PRDM16: variants seen among roughly 807,000 people sequenced by gnomAD.
PRDM16 encodes histone-lysine N-methyltransferase PRDM16.
A neutral mutation model predicts 110.6 loss-of-function variants in PRDM16; 23 were observed. That is an observed-to-expected ratio of 0.21 (90% CI 0.15 to 0.29). The LOEUF is 0.29. Among genes scored for constraint, PRDM16 ranks in the 10% least tolerant of loss-of-function variants. The pLI, the probability that PRDM16 is intolerant of heterozygous loss-of-function variation, is 1.00. For synonymous variants in PRDM16, 799 were observed against 781.8 expected, an observed-to-expected ratio of 1.02 and a Z score of -0.37; for missense variants, 1,615 against 1,794.3, an observed-to-expected ratio of 0.90 and a Z score of 1.81.
At chr1:3,179,659 G>A (rs776490880) in intron 1 of PRDM16, among the ~76,000 whole-genome samples, 9 of 152,232 alleles carry the variant, frequency 5.9e-5, no homozygotes, top group Admixed American at 2.6e-4. Context: ...GCATGGCACC[G>A]TGGTGCAGAT....
chr1:3,371,043 T>C (rs1642896437), intron 3 of PRDM16, among the ~76,000 whole-genome samples: 2 of 142,268 alleles, frequency 1.4e-5, no homozygotes, highest in Admixed American at 6.9e-5. Context: ...CATTAATTTA[T>C]TCATCCATCC....
rs1638266840 is a variant in PRDM16, at chr1:3,190,237, G to GTGGGGCAGCCTTACTTCAAGGTCA, written c.387+3786_387+3787insATGGGGCAGCCTTACTTCAAGGTC. Among the ~76,000 whole-genome samples, 1 of 148,066 alleles carries GTGGGGCAGCCTTACTTCAAGGTCA rather than the reference G, an allele frequency of 6.8e-6. No homozygotes were observed. The highest frequency in any genetic ancestry group is 2.5e-5 in the African/African-American group (1 of 39,700). ...CGTGGGGCAGCCTTACTTCAAGGTCGTGGGGCAGCCTTACTTCAAGGTCGT... is the reference window on the plus strand; with the variant it reads ...CGTGGGGCAGCCTTACTTCAAGGTCGTGGGGCAGCCTTACTTCAAGGTCATGGGGCAGCCTTACTTCAAGGTCGT... On this transcript the variant is annotated intron_variant, in intron 2 of 16. Coordinates refer to ENST00000270722, the MANE Select transcript of PRDM16 (RefSeq NM_022114.4). The surrounding 1 kb of genome is among the most constrained non-coding windows in gnomAD (Gnocchi z 5.0).
At position 3,435,179 on chromosome 1, in the gene PRDM16, AAAT is replaced by A. The variant is rs1258425481; in HGVS notation, c.*1375_*1377del. The A allele has an allele frequency of 8.9e-6, 2 of 224,622 alleles. No individual in the cohort carries two copies. Among genetic ancestry groups the A allele is most frequent in the Non-Finnish European group, 1.8e-5 (2 of 112,806 alleles). 13.9% of individuals were successfully genotyped at this position (224,622 alleles called of 1,614,324 possible). A position where few individuals can be genotyped will look rare whatever the true frequency, so the allele number is the denominator to read the frequency against. The stretch of plus-strand genomic sequence containing the variant: ...AATTATTCCCATAGGGGCCAATTTC[AAAT>A]AATAATTTTTTTCCCTGATGGAATT... On this transcript the variant is annotated 3_prime_UTR_variant, in exon 17 of 17. Transcript: ENST00000270722.
intron 1 of PRDM16, among the ~76,000 whole-genome samples, chr1:3,144,649 G>A (rs897922918): frequency 2.6e-5 from 4 of 152,198 alleles, no homozygotes; most frequent in Non-Finnish European, 5.9e-5. Flanking sequence ...CCGCGTTCAG[G>A]AGAGGAAACC....
chr1:3,263,944 C>T (rs1640227650), intron 3 of PRDM16, among the ~76,000 whole-genome samples: 1 of 152,146 alleles, frequency 6.6e-6, no homozygotes, highest in South Asian at 2.1e-4. Flanking sequence ...CACTCGCCCT[C>T]TCTGTGACCC....
chr1:3,257,292 G>C (rs1221030176), intron 3 of PRDM16, among the ~76,000 whole-genome samples: 2 of 152,214 alleles, frequency 1.3e-5, no homozygotes, highest in African/African-American at 4.8e-5. Flanking sequence ...GAACGAGGTA[G>C]GATGAGACTC....
At chr1:3,114,167 ACACACACGCACACACACG>A (rs1443619049) in intron 1 of PRDM16, among the ~76,000 whole-genome samples, 8 of 92,070 alleles carry the variant, frequency 8.7e-5, no homozygotes, top group Admixed American at 1.1e-4. Context: ...ACACACACGC[ACACACACGCACACACACG>A]CACACACGCA....
At chr1:3,141,357 T>C (rs1643546418) in intron 1 of PRDM16, among the ~76,000 whole-genome samples, 1 of 152,196 alleles carries the variant, frequency 6.6e-6, no homozygotes, top group Admixed American at 6.5e-5. Flanking sequence ...GCCTGCAATT[T>C]GCAAACCTAA....
chr1:3,289,826 C>G (rs772064368), intron 3 of PRDM16, among the ~76,000 whole-genome samples: 1 of 152,122 alleles, frequency 6.6e-6, no homozygotes, highest in Non-Finnish European at 1.5e-5. Context: ...GCCGGGGCCC[C>G]GCTCCCACCC....
At position 3,412,785 on chromosome 1, in the gene PRDM16, T is replaced by C; in HGVS notation, c.2588T>C (p.Met863Thr). 1 of 1,472,928 alleles carries C rather than the reference T, an allele frequency of 6.8e-7. No homozygotes were observed. The highest frequency in any genetic ancestry group is 9.0e-7 in the Non-Finnish European group (1 of 1,111,718). The allele number at this position is 1,472,928 out of a possible 1,614,324, so 91.2% of individuals were successfully genotyped here. Residue 863 changes from methionine (M) to threonine (T), a missense_variant, in exon 9 of 17, where the codon ATG (methionine) becomes ACG (threonine). By Grantham distance (81) the Met-to-Thr change is moderately conservative. Coordinates refer to ENST00000270722, the MANE Select transcript of PRDM16 (RefSeq NM_022114.4). Reference protein sequence around the residue: ...LHYAKPSPFFMDPIYSRVEKR... With the variant: ...LHYAKPSPFFTDPIYSRVEKR... ...TACGCCAAGCCCTCGCCCTTCTTCA[T>C]GGACCCCATCTACAGGTATTCAGCA...
At chr1:3,371,760 G>A (rs1160240339) in intron 3 of PRDM16, among the ~76,000 whole-genome samples, 1 of 152,264 alleles carries the variant, frequency 6.6e-6, no homozygotes, top group Non-Finnish European at 1.5e-5. Flanking sequence ...CAGTGTGAAA[G>A]GAGTCAGGTG....
chr1:3,134,318 G>C (rs916935048), intron 1 of PRDM16, among the ~76,000 whole-genome samples: 1 of 152,268 alleles, frequency 6.6e-6, no homozygotes, highest in Non-Finnish European at 1.5e-5. Context: ...CTTGAAGAGA[G>C]GACGTGGACA....
chr1:3,316,649 C>CACAGTGACATAGGGTAGACAGGAA (rs1641609368), intron 3 of PRDM16, among the ~76,000 whole-genome samples: 1 of 145,222 alleles, frequency 6.9e-6, no homozygotes, highest in Admixed American at 7.0e-5. Flanking sequence ...AAAACAGTGA[C>CACAGTGACATAGGGTAGACAGGAA]ACAGTGACAC....
At chr1:3,340,750 G>A (rs949251011) in intron 3 of PRDM16, among the ~76,000 whole-genome samples, 4 of 152,184 alleles carry the variant, frequency 2.6e-5, no homozygotes, top group African/African-American at 9.7e-5. Context: ...TTTTGTAAAG[G>A]CCATCTAGAT....
intron 1 of PRDM16, among the ~76,000 whole-genome samples, chr1:3,117,464 G>A (rs1642987184): frequency 6.6e-6 from 1 of 152,266 alleles, no homozygotes; most frequent in African/African-American, 2.4e-5. Context: ...AGCCTGTGAG[G>A]TGCATGTCTG....
chr1:3,155,654 G>A (rs1421375682), intron 1 of PRDM16, among the ~76,000 whole-genome samples: 2 of 152,264 alleles, frequency 1.3e-5, no homozygotes, highest in Non-Finnish European at 2.9e-5. Flanking sequence ...CCTGAAAAAT[G>A]AGATCATTTC....
chr1:3,113,092 G>A (rs1642832597), intron 1 of PRDM16, among the ~76,000 whole-genome samples: 1 of 152,264 alleles, frequency 6.6e-6, no homozygotes, highest in Non-Finnish European at 1.5e-5. Flanking sequence ...GATACTGGGG[G>A]GCCTCTTGTG....
intron 3 of PRDM16, among the ~76,000 whole-genome samples, chr1:3,314,244 G>C (rs1221461776): frequency 6.6e-6 from 1 of 152,130 alleles, no homozygotes; most frequent in Admixed American, 6.5e-5. Context: ...CGGTGTGTCT[G>C]GGTGGCAGTT....
At chr1:3,228,041 C>G (rs1248162371) in intron 2 of PRDM16, among the ~76,000 whole-genome samples, 1 of 152,224 alleles carries the variant, frequency 6.6e-6, no homozygotes, top group Non-Finnish European at 1.5e-5. Context: ...TCCGGGAAAG[C>G]GAGATCTTTA....
Sources: allele counts gnomAD v4.1 joint callset (sites outside exome capture counted in the v4.1 genomes callset), GRCh38; gene constraint gnomAD v4.1.1; non-coding constraint Gnocchi (gnomAD v3.1); transcripts MANE v1.5; gene names NCBI Gene and HGNC (gene_info 2026-07-23, HGNC 2026-07-21).